Variants in NCOR1 observed in about 807,000 individuals in gnomAD.
NCOR1 encodes nuclear receptor corepressor 1, also known as protein phosphatase 1, regulatory subunit 109.
Under a neutral mutation model 288.1 loss-of-function variants are expected in NCOR1, and 63 were observed. The observed-to-expected ratio is 0.22, with a 90% confidence interval of 0.18 to 0.27. The LOEUF (loss-of-function observed/expected upper bound fraction) is 0.27, where lower values mean the gene tolerates loss of function less well. Ranked by LOEUF, NCOR1 falls within the 10% of genes least tolerant of loss-of-function variation. The pLI, the probability that NCOR1 is intolerant of heterozygous loss-of-function variation, is 1.00. For missense variants in NCOR1, 2,397 were observed against 3,019.2 expected (o/e 0.79, Z 4.83); for synonymous variants, 1,007 against 1,065.9 (o/e 0.94, Z 1.08).
At chr17:16,143,213 C>T (rs2077396815) in intron 11 of NCOR1, among the ~76,000 whole-genome samples, 1 of 152,204 alleles carries the variant, frequency 6.6e-6, no homozygotes, top group South Asian at 2.1e-4. Context: ...CAGCTTACTC[C>T]TCTAACCTAG....
At chr17:16,075,177 T>C (rs1209802501) in intron 27 of NCOR1, among the ~76,000 whole-genome samples, 2 of 152,188 alleles carry the variant, frequency 1.3e-5, no homozygotes, top group Non-Finnish European at 2.9e-5. Context: ...GCGCCCAGCC[T>C]ATCTACCCTC....
At chr17:16,200,227 C>A (rs1187420476) in intron 1 of NCOR1, among the ~76,000 whole-genome samples, 1 of 152,078 alleles carries the variant, frequency 6.6e-6, no homozygotes, top group Non-Finnish European at 1.5e-5. Flanking sequence ...GTGGCTCACA[C>A]CTGTAATCCC....
chr17:16,116,675 A>G (rs112223421), intron 18 of NCOR1, among the ~76,000 whole-genome samples: 5 of 152,138 alleles, frequency 3.3e-5, no homozygotes, highest in African/African-American at 1.2e-4. Flanking sequence ...AACAATTGCC[A>G]AAGTGCTTTT....
chr17:16,108,351 T>G (rs2069247543), intron 19 of NCOR1: 1 of 227,316 alleles, frequency 4.4e-6, no homozygotes, highest in Admixed American at 5.3e-5. Flanking sequence ...AGTTTCGTGT[T>G]TTTTTTTTCT....
At position 16,046,971 on chromosome 17, in the gene NCOR1, C is replaced by G; in HGVS notation, c.6659G>C (p.Gly2220Ala). ...QEIFRKLNSS[G>A]GGDSDMAAAQ... Reference sequence around the variant, plus strand: ...CTTACCCATATCAGAGTCACCTCCACCAGAGGAGTTCAACTTACGAAAAAT... The same window carrying G: ...CTTACCCATATCAGAGTCACCTCCAGCAGAGGAGTTCAACTTACGAAAAAT... Residue 2220 changes from glycine to alanine, a missense_variant, in exon 42 of 46, where the codon GGT becomes GCT. Around this residue, in one of 11 missense-constraint regions of NCOR1, gnomAD observed 1,872 missense variants for 2,187.8 expected, o/e 0.86. Transcript: ENST00000268712. 1 of 1,614,026 alleles carries G rather than the reference C, an allele frequency of 6.2e-7. No homozygotes were observed. The highest frequency in any genetic ancestry group is 1.7e-5 in the Admixed American group (1 of 60,002).
chr17:16,038,707 T>A (rs1243374747), intron 44 of NCOR1, among the ~76,000 whole-genome samples: 3 of 152,164 alleles, frequency 2.0e-5, no homozygotes, highest in African/African-American at 4.8e-5. Flanking sequence ...CAAAGTGCTA[T>A]GATTACACCT....
Position 16,101,263 on chromosome 17 carries a change from G to A in NCOR1, c.2677C>T (p.Pro893Ser), listed in dbSNP as rs111428551. Reference protein sequence around the residue: ...CSADEDVDGEPERQRMFPMDS... With the variant: ...CSADEDVDGESERQRMFPMDS... ...AACGAGCCTCACCTCTGCCTCTCTGGCTCTCCATCCACATCCTCATCAGCG... is the reference window on the plus strand; with the variant it reads ...AACGAGCCTCACCTCTGCCTCTCTGACTCTCCATCCACATCCTCATCAGCG... Residue 893 changes from proline to serine, a missense_variant, in exon 20 of 46, where the codon CCA becomes TCA. Pro to Ser is a moderately conservative substitution (Grantham distance 74, BLOSUM62 -1). Coordinates refer to ENST00000268712, the MANE Select transcript of NCOR1 (RefSeq NM_006311.4). 5 of 1,594,134 alleles carry A rather than the reference G, an allele frequency of 3.1e-6. No homozygotes were observed. Among genetic ancestry groups the A allele is most frequent in the African/African-American group, 2.7e-5 (2 of 74,316 alleles).
chr17:16,068,934 C>T (rs1404682450), intron 31 of NCOR1, among the ~76,000 whole-genome samples: 1 of 152,056 alleles, frequency 6.6e-6, no homozygotes, highest in Non-Finnish European at 1.5e-5. Context: ...CCAGGATGGG[C>T]TCAATCTCCT....
At chr17:16,077,488 GAGAGGGGAGGAGAGGGGAGGAGAGGGGA>G (rs2062670721) in intron 26 of NCOR1, among the ~76,000 whole-genome samples, 1 of 27,574 alleles carries the variant, frequency 3.6e-5, no homozygotes, top group Non-Finnish European at 8.0e-5. Context: ...GAGAGGGGAG[GAGAGGGGAGGAGAGGGGAGGAGAGGGGA>G]GGGGGGGAGG....
intron 18 of NCOR1, 122 bp downstream of exon 18, chr17:16,117,766 G>T: frequency 9.5e-7 from 1 of 1,056,122 alleles, no homozygotes; most frequent in Non-Finnish European, 1.3e-6. Flanking sequence ...AGTTTGCAGT[G>T]AGCCAAGATT....
intron 3 of NCOR1, among the ~76,000 whole-genome samples, chr17:16,178,315 C>T (rs1170053871): frequency 6.6e-6 from 1 of 151,750 alleles, no homozygotes; most frequent in African/African-American, 2.4e-5. Flanking sequence ...CTGACTAACA[C>T]AGTGAAACCC....
At chr17:16,087,591 G>A (rs1361559240) in intron 22 of NCOR1, among the ~76,000 whole-genome samples, 1 of 152,142 alleles carries the variant, frequency 6.6e-6, no homozygotes, top group Non-Finnish European at 1.5e-5. Flanking sequence ...TCCTCTTAAG[G>A]AGAATCAAGT....
chr17:16,149,869 G>A (rs1244394806), intron 8 of NCOR1, among the ~76,000 whole-genome samples: 1 of 152,136 alleles, frequency 6.6e-6, no homozygotes, highest in Non-Finnish European at 1.5e-5. Flanking sequence ...AAGGGAGGTA[G>A]AAGAGAAGGA....
chr17:16,031,673 C>G lies in NCOR1; in HGVS notation c.*623G>C, dbSNP rs1972020959. On this transcript the variant is annotated 3_prime_UTR_variant, in exon 46 of 46. Transcript: ENST00000268712. ...AATTTGTTACTTTTACCTTTTGACC[C>G]TAATGTACAGATTTTATGACAGGGT... 4.4e-6 allele frequency: 1 copy of G among 227,116 alleles called. No individual in the cohort carries two copies. Among genetic ancestry groups the G allele is most frequent in the Non-Finnish European group, 8.8e-6 (1 of 114,272 alleles). The allele number at this position is 227,116 out of a possible 1,614,324, so 14.1% of individuals were successfully genotyped here. A position where few individuals can be genotyped will look rare whatever the true frequency, so the allele number is the denominator to read the frequency against.
chr17:16,215,215 C>T (rs747535529), intron 1 of NCOR1, 147 bp downstream of exon 1: 86 of 375,686 alleles, frequency 2.3e-4, no homozygotes, highest in Non-Finnish European at 3.5e-4. Flanking sequence ...GCCAGGCGGC[C>T]AGGACGGGTC....
At chr17:16,120,711 G>GGCA (rs1176507005) in intron 16 of NCOR1, among the ~76,000 whole-genome samples, 6 of 151,700 alleles carry the variant, frequency 4.0e-5, no homozygotes, top group African/African-American at 1.2e-4. Flanking sequence ...CAGGGAAGAG[G>GGCA]GCAGACAACC....
intron 1 of NCOR1, among the ~76,000 whole-genome samples, chr17:16,207,088 A>G (rs1353508607): frequency 2.0e-5 from 3 of 152,090 alleles, no homozygotes; most frequent in Admixed American, 2.0e-4. Flanking sequence ...TTAGGTTATA[A>G]CTCCTAGATA....
At chr17:16,161,987 CAAAA>C in intron 5 of NCOR1, among the ~76,000 whole-genome samples, 1 of 150,900 alleles carries the variant, frequency 6.6e-6, no homozygotes, top group East Asian at 1.9e-4. Flanking sequence ...AAATAAAAGA[CAAAA>C]GAAAGAAAAG....
intron 14 of NCOR1, among the ~76,000 whole-genome samples, chr17:16,127,515 A>G (rs148658377): frequency 3.1e-4 from 44 of 143,374 alleles, no homozygotes; most frequent in African/African-American, 1.2e-3. Flanking sequence ...ACATATGTGT[A>G]TATACACACG....
Sources: gnomAD v4.1 joint callset for allele counts (sites outside exome capture counted in the v4.1 genomes callset) on GRCh38, gnomAD v4.1.1 for gene constraint, gnomAD v4.1.1 regional missense constraint, MANE v1.5 for transcripts, NCBI Gene and HGNC (gene_info 2026-07-23, HGNC 2026-07-21) for gene names.